MTMR9: variants seen among roughly 807,000 people sequenced by gnomAD.
The protein encoded by MTMR9 is myotubularin-related protein 9.
A neutral mutation model predicts 69.5 loss-of-function variants in MTMR9; 39 were observed. The ratio of observed to expected loss-of-function variants is 0.56; its 90% confidence interval spans 0.43 to 0.73. The LOEUF (loss-of-function observed/expected upper bound fraction) is 0.73, where lower values mean the gene tolerates loss of function less well. Ranked by LOEUF, MTMR9 falls within the 30% of genes least tolerant of loss-of-function variation. MTMR9 has a pLI of 0.00. For missense variants in MTMR9, 900 were observed against 671.2 expected (o/e 1.34, Z -3.77); for synonymous variants, 354 against 240.8 (o/e 1.47, Z -4.35).
At position 11,322,791 on chromosome 8, in the gene MTMR9, G is replaced by T. The variant is rs1413914122; in HGVS notation, c.*3G>T. The T allele has an allele frequency of 6.2e-7, 1 of 1,613,350 alleles. No homozygotes were observed. Among genetic ancestry groups the T allele is most frequent in the Admixed American group, 1.7e-5 (1 of 59,916 alleles). ...ACGGGATGCAGGAGAGTCCCTGAAAGGTCTCCTCGCACCCTTCGCAAGGAC... is the reference window on the plus strand; with the variant it reads ...ACGGGATGCAGGAGAGTCCCTGAAATGTCTCCTCGCACCCTTCGCAAGGAC... On this transcript the variant is annotated 3_prime_UTR_variant, in exon 10 of 10. Coordinates refer to ENST00000221086, the MANE Select transcript of MTMR9 (RefSeq NM_015458.4).
chr8:11,295,329 T>A, intron 2 of MTMR9, 27 bp downstream of exon 2: 1 of 1,236,512 alleles, frequency 8.1e-7, no homozygotes, highest in Non-Finnish European at 1.2e-6. Flanking sequence ...CAAAATCTAA[T>A]GAAACATAAT....
At chr8:11,318,046 C>G (rs1477829225) in intron 8 of MTMR9, 1 of 152,118 alleles carries the variant, frequency 6.6e-6, no homozygotes, top group African/African-American at 2.4e-5. Flanking sequence ...TCATTAAAGG[C>G]TTTAAGACAC....
At chr8:11,317,892 C>T (rs555168627) in intron 8 of MTMR9, 2 of 152,238 alleles carry the variant, frequency 1.3e-5, no homozygotes, top group African/African-American at 4.8e-5. Context: ...TAGCCCTGGA[C>T]TGTACTCTGG....
At chr8:11,321,533 C>T (rs1294687243) in intron 9 of MTMR9, 3 of 456,368 alleles carry the variant, frequency 6.6e-6, no homozygotes, top group Non-Finnish European at 1.3e-5. Flanking sequence ...GGATGAAATC[C>T]TTGTTCTGTG....
At chr8:11,315,629 A>G (rs1800385413) in intron 7 of MTMR9, among the ~76,000 whole-genome samples, 1 of 152,236 alleles carries the variant, frequency 6.6e-6, no homozygotes, top group South Asian at 2.1e-4. Flanking sequence ...ATGCTTACAT[A>G]TCTTGAAAGC....
At chr8:11,310,325 A>T (rs1163515072) in intron 6 of MTMR9, among the ~76,000 whole-genome samples, 1 of 152,214 alleles carries the variant, frequency 6.6e-6, no homozygotes, top group Admixed American at 6.5e-5. Context: ...TTCTTGCAGA[A>T]GCTTAGAATG....
intron 4 of MTMR9, among the ~76,000 whole-genome samples, chr8:11,305,916 AAATG>A (rs1799922314): frequency 6.6e-6 from 1 of 152,244 alleles, no homozygotes; most frequent in Admixed American, 6.5e-5. Context: ...TTCACACACT[AAATG>A]AATTGCAATA....
chr8:11,311,118 A>G (rs1800179838), intron 6 of MTMR9, among the ~76,000 whole-genome samples: 1 of 152,248 alleles, frequency 6.6e-6, no homozygotes, highest in African/African-American at 2.4e-5. Flanking sequence ...ACAGATAATT[A>G]AGGTACATAT....
chr8:11,322,102 C>T (rs1443011319), intron 9 of MTMR9, among the ~76,000 whole-genome samples: 1 of 152,078 alleles, frequency 6.6e-6, no homozygotes, highest in Non-Finnish European at 1.5e-5. Flanking sequence ...GATTGCCTCT[C>T]AAGTAACAGG....
chr8:11,313,494 A>G (rs1719913190), intron 6 of MTMR9, among the ~76,000 whole-genome samples: 1 of 152,244 alleles, frequency 6.6e-6, no homozygotes, highest in African/African-American at 2.4e-5. Flanking sequence ...GGCCTGACTC[A>G]GCTTTCGACG....
chr8:11,302,976 A>G (rs550638046), intron 3 of MTMR9, among the ~76,000 whole-genome samples: 1 of 151,928 alleles, frequency 6.6e-6, no homozygotes, highest in Non-Finnish European at 1.5e-5. Flanking sequence ...AGCTTAAACA[A>G]ATGGAAAAGA....
chr8:11,294,410 G>A (rs1799475007), intron 1 of MTMR9, among the ~76,000 whole-genome samples: 3 of 150,760 alleles, frequency 2.0e-5, no homozygotes, highest in Non-Finnish European at 2.9e-5. Flanking sequence ...GGTTGAGGAA[G>A]TTCCCTTCTG....
At chr8:11,288,911 G>A (rs533170312) in intron 1 of MTMR9, among the ~76,000 whole-genome samples, 1 of 152,316 alleles carries the variant, frequency 6.6e-6, no homozygotes, top group Admixed American at 6.5e-5. Flanking sequence ...GGTGGCTCAC[G>A]CCTGTAATCC....
At chr8:11,294,499 A>ATTTT (rs1799478410) in intron 1 of MTMR9, among the ~76,000 whole-genome samples, 1 of 83,794 alleles carries the variant, frequency 1.2e-5, no homozygotes, top group African/African-American at 9.7e-5. Flanking sequence ...AAATACTTTC[A>ATTTT]CTTTTTTTTT....
chr8:11,287,837 A>G (rs1303211366), intron 1 of MTMR9, among the ~76,000 whole-genome samples: 2 of 121,432 alleles, frequency 1.6e-5, no homozygotes, highest in African/African-American at 6.9e-5. Flanking sequence ...ATATAACATT[A>G]TATATTTTAT....
downstream of MTMR9, chr8:11,331,086 G>C (rs762240939): frequency 6.3e-7 from 1 of 1,575,968 alleles, no homozygotes; most frequent in Non-Finnish European, 8.6e-7. Flanking sequence ...GCCAGGAGGA[G>C]AGGAGAAAGT....
chr8:11,313,391 T>G (rs1368171637), intron 6 of MTMR9, among the ~76,000 whole-genome samples: 1 of 152,260 alleles, frequency 6.6e-6, no homozygotes, highest in African/African-American at 2.4e-5. Flanking sequence ...CTGTATCATT[T>G]ATGTGTTCGC....
intron 1 of MTMR9, among the ~76,000 whole-genome samples, chr8:11,290,426 T>TTTACAA (rs1799340552): frequency 6.6e-6 from 1 of 152,122 alleles, no homozygotes; most frequent in Admixed American, 6.6e-5. Flanking sequence ...TTTTTTTCTG[T>TTTACAA]GGTGCCCTTT....
downstream of MTMR9, chr8:11,331,234 C>T (rs13260331): frequency 0.38 from 615,803 of 1,613,196 alleles, 122,977 homozygotes; most frequent in East Asian, 0.58. Flanking sequence ...CTGCTGGTGG[C>T]CCTGCTGGGT....
Sources: gnomAD v4.1 joint callset for allele counts (sites outside exome capture counted in the v4.1 genomes callset) on GRCh38, gnomAD v4.1.1 for gene constraint, MANE v1.5 for transcripts, NCBI Gene and HGNC (gene_info 2026-07-23, HGNC 2026-07-21) for gene names.